Variants in SH3PXD2B observed in about 807,000 individuals in gnomAD.
SH3PXD2B encodes SH3 and PX domain-containing protein 2B.
Under a neutral mutation model 73.1 loss-of-function variants are expected in SH3PXD2B, and 37 were observed. The ratio of observed to expected loss-of-function variants is 0.51; its 90% CI spans 0.39 to 0.67. The LOEUF (loss-of-function observed/expected upper bound fraction) is 0.67, where lower values mean the gene tolerates loss of function less well. Ranked by LOEUF, SH3PXD2B falls within the 30% of genes least tolerant of loss-of-function variation. The probability of loss-of-function intolerance (pLI) is 0.00; values close to 1 mark genes in which losing one functional copy is unlikely to be tolerated. For synonymous variants in SH3PXD2B, 457 were observed against 480.5 expected (o/e 0.95, Z 0.64); for missense variants, 1,053 against 1,197.8 (o/e 0.88, Z 1.78).
At chr5:172,429,261 C>T (rs1410793767) in intron 1 of SH3PXD2B, among the ~76,000 whole-genome samples, 6 of 152,166 alleles carry the variant, frequency 3.9e-5, no homozygotes. Context: ...GGTGGTCCTG[C>T]CCCCTTGCTT....
chr5:172,357,383 C>T (rs371881913), intron 8 of SH3PXD2B, among the ~76,000 whole-genome samples: 159 of 151,750 alleles, frequency 1.0e-3, no homozygotes, highest in African/African-American at 3.7e-3. Flanking sequence ...GAGATCATGC[C>T]ACTGTACTCC....
intron 1 of SH3PXD2B, among the ~76,000 whole-genome samples, chr5:172,426,221 A>C (rs995109646): frequency 6.6e-6 from 1 of 152,158 alleles, no homozygotes; most frequent in Admixed American, 6.5e-5. Flanking sequence ...TGATGTCTGC[A>C]TTTTTAGGCA....
chr5:172,332,929 G>A (rs897759234), downstream of SH3PXD2B, among the ~76,000 whole-genome samples: 7 of 117,802 alleles, frequency 5.9e-5, no homozygotes, highest in Admixed American at 1.9e-4. Flanking sequence ...AACCCCCACC[G>A]CACAATGTTT....
Position 172,339,155 on chromosome 5 carries a change from G to C in SH3PXD2B, c.1950C>G (p.Pro650=), listed in dbSNP as rs893359520. 1 of 1,614,090 alleles carries C rather than the reference G, an allele frequency of 6.2e-7. No individual in the cohort carries two copies. The highest frequency in any genetic ancestry group is 8.5e-7 in the Non-Finnish European group (1 of 1,180,038). Reference sequence around the variant, plus strand: ...CTTCGCCCTGAGGTGGCTCCGTTTTGGGGGAAGGAGCTGGTTTTGGCCTAA... The same window carrying C: ...CTTCGCCCTGAGGTGGCTCCGTTTTCGGGGAAGGAGCTGGTTTTGGCCTAA... ...PQVRPKPAPS[P]KTEPPQGEDQ... is the part of the protein sequence containing the mutation. The change falls in exon 13 of 13, where the codon CCC becomes CCG. Residue 650 remains proline, a synonymous_variant. Transcript: ENST00000311601. The surrounding 1 kb of genome is among the most constrained non-coding windows in gnomAD (Gnocchi z 6.1).
At chr5:172,390,450 T>C (rs932507753) in intron 4 of SH3PXD2B, among the ~76,000 whole-genome samples, 11 of 152,218 alleles carry the variant, frequency 7.2e-5, no homozygotes, top group African/African-American at 2.7e-4. Flanking sequence ...AGTAGCACTA[T>C]CAAGGCTCAT....
intron 1 of SH3PXD2B, among the ~76,000 whole-genome samples, chr5:172,425,678 T>A (rs1053853309): frequency 6.6e-6 from 1 of 150,990 alleles, no homozygotes; most frequent in Admixed American, 6.6e-5. Context: ...CAGAGAAGCG[T>A]CTGGATTTCA....
At chr5:172,405,858 T>C (rs1397980214) in intron 3 of SH3PXD2B, among the ~76,000 whole-genome samples, 1 of 152,204 alleles carries the variant, frequency 6.6e-6, no homozygotes, top group Non-Finnish European at 1.5e-5. Context: ...AGAAAAACTT[T>C]CTGAGTTCGA....
chr5:172,446,304 A>G (rs941132435), intron 1 of SH3PXD2B, among the ~76,000 whole-genome samples: 1 of 152,212 alleles, frequency 6.6e-6, no homozygotes, highest in Non-Finnish European at 1.5e-5. Context: ...CAGAAGCCAC[A>G]TGGCCTTCTC....
At chr5:172,377,727 C>T (rs1039236874) in intron 5 of SH3PXD2B, among the ~76,000 whole-genome samples, 1 of 152,206 alleles carries the variant, frequency 6.6e-6, no homozygotes, top group Non-Finnish European at 1.5e-5. Context: ...GATACATATA[C>T]TCCAGCATGA....
At chr5:172,354,125 C>G in intron 8 of SH3PXD2B, 120 bp from the exon 9 acceptor site, 2 of 945,278 alleles carry the variant, frequency 2.1e-6, no homozygotes, top group South Asian at 1.4e-5. Flanking sequence ...TCTGGGCACC[C>G]CCCCTGGCCC....
At position 172,362,956 on chromosome 5, in the gene SH3PXD2B, G is replaced by C. The variant is rs181282788; in HGVS notation, c.428-87C>G. On this transcript the variant is annotated intron_variant, in intron 6 of 12. Coordinates refer to ENST00000311601, the MANE Select transcript of SH3PXD2B (RefSeq NM_001017995.3). Reference sequence around the variant, plus strand: ...GAGCAGTAGGGCGGGTCAAGAGGACGTTCCAAATAAAAAAGCAGCAGTTAC... The same window carrying C: ...GAGCAGTAGGGCGGGTCAAGAGGACCTTCCAAATAAAAAAGCAGCAGTTAC... The C allele has an allele frequency of 3.0e-5, 46 of 1,557,322 alleles. No individual in the cohort carries two copies. In the African/African-American group the frequency reaches 5.4e-4, roughly 18 times the overall value.
Position 172,334,423 on chromosome 5 carries a change from C to G in SH3PXD2B, c.*3946G>C. 2.0e-6 allele frequency: 2 copies of G among 988,004 alleles called. No homozygotes were observed. 61.2% of individuals were successfully genotyped at this position (988,004 alleles called of 1,614,324 possible). A position where few individuals can be genotyped will look rare whatever the true frequency, so the allele number is the denominator to read the frequency against. ...TGCTGCTCTACCTCTCATCAGCCCA[C>G]AGTCTGACACGAGGTCATCTTTGGT... On this transcript the variant is annotated 3_prime_UTR_variant, in exon 13 of 13. Coordinates refer to ENST00000311601, the MANE Select transcript of SH3PXD2B (RefSeq NM_001017995.3).
intron 1 of SH3PXD2B, among the ~76,000 whole-genome samples, chr5:172,449,423 C>T (rs1759745224): frequency 1.3e-5 from 2 of 152,232 alleles, no homozygotes; most frequent in Non-Finnish European, 2.9e-5. Context: ...GCTGTGTGAC[C>T]TCAGGCACAT....
chr5:172,359,552 TG>T (rs1472691328), intron 7 of SH3PXD2B, among the ~76,000 whole-genome samples: 2 of 152,180 alleles, frequency 1.3e-5, no homozygotes, highest in African/African-American at 4.8e-5. Flanking sequence ...CAAGTTCACG[TG>T]GCTGCGGTAG....
At chr5:172,392,941 C>T (rs1758222364) in intron 4 of SH3PXD2B, among the ~76,000 whole-genome samples, 1 of 152,192 alleles carries the variant, frequency 6.6e-6, no homozygotes, top group African/African-American at 2.4e-5. Context: ...CTATTTTTGT[C>T]AGTACCATAC....
rs1364707700 is a variant in SH3PXD2B at position 172,358,720 on chromosome 5, G to A, written c.667+53C>T. On this transcript the variant is annotated intron_variant, in intron 8 of 12. Coordinates refer to ENST00000311601, the MANE Select transcript of SH3PXD2B (RefSeq NM_001017995.3). ...TGGATGAAAAGGCAACCCAGTATAG[G>A]CGATGACTGCACAGGTCCTCCCCAG... 8 of 1,516,820 alleles carry A rather than the reference G, an allele frequency of 5.3e-6. No homozygotes were observed. The African/African-American group carries it at 6.9e-5, about 13-fold the overall frequency. The allele number at this position is 1,516,820 out of a possible 1,614,324, so 94.0% of individuals were successfully genotyped here. A position where few individuals can be genotyped will look rare whatever the true frequency, so the allele number is the denominator to read the frequency against.
At chr5:172,446,849 A>T (rs1759674510) in intron 1 of SH3PXD2B, among the ~76,000 whole-genome samples, 1 of 152,232 alleles carries the variant, frequency 6.6e-6, no homozygotes, top group African/African-American at 2.4e-5. Context: ...CTGAGCAAGG[A>T]ACATTTTAAC....
chr5:172,422,315 T>C lies in SH3PXD2B; in HGVS notation c.156+101A>G, dbSNP rs915111808. On this transcript the variant is annotated intron_variant, in intron 2 of 12. Coordinates refer to ENST00000311601, the MANE Select transcript of SH3PXD2B (RefSeq NM_001017995.3). ...CAGCCATGGATGTCATTTTTAAGTC[T>C]GGGAAATTAAAAAAATTCTGGACTC... is the stretch of plus-strand genomic sequence containing the variant. The C allele has an allele frequency of 1.1e-5, 12 of 1,141,986 alleles. No homozygotes were observed. In the African/African-American group the frequency reaches 1.8e-4, roughly 17 times the overall value. 70.7% of individuals were successfully genotyped at this position (1,141,986 alleles called of 1,614,324 possible). A position where few individuals can be genotyped will look rare whatever the true frequency, so the allele number is the denominator to read the frequency against.
chr5:172,424,283 C>T (rs1419436568), intron 1 of SH3PXD2B, among the ~76,000 whole-genome samples: 1 of 152,138 alleles, frequency 6.6e-6, no homozygotes, highest in African/African-American at 2.4e-5. Context: ...AGAGAGATCT[C>T]TGAAGCCTGG....
Sources: allele counts gnomAD v4.1 joint callset (sites outside exome capture counted in the v4.1 genomes callset), GRCh38; gene constraint gnomAD v4.1.1; non-coding constraint Gnocchi (gnomAD v3.1); transcripts MANE v1.5; gene names NCBI Gene and HGNC (gene_info 2026-07-23, HGNC 2026-07-21).